DOK5: variants seen among roughly 807,000 people sequenced by gnomAD.
DOK5 encodes downstream of tyrosine kinase 5.
Under a neutral mutation model 43.3 loss-of-function variants are expected in DOK5, and 27 were observed. That is an observed-to-expected ratio of 0.62 (90% CI 0.46 to 0.86). The LOEUF (loss-of-function observed/expected upper bound fraction) is 0.86, where lower values mean the gene tolerates loss of function less well. Ranked by LOEUF, DOK5 falls within the 40% of genes least tolerant of loss-of-function variation. The pLI is 0.00. For missense variants in DOK5, 373 were observed against 392.9 expected, an observed-to-expected ratio of 0.95 and a Z score of 0.43; for synonymous variants, 146 against 140.1, an observed-to-expected ratio of 1.04 and a Z score of -0.30.
chr20:54,611,895 C>T (rs902064003), intron 6 of DOK5, among the ~76,000 whole-genome samples: 4 of 152,142 alleles, frequency 2.6e-5, no homozygotes, highest in South Asian at 2.1e-4. Flanking sequence ...GGCAGCAATC[C>T]GGGATTTTAG....
intron 1 of DOK5, among the ~76,000 whole-genome samples, chr20:54,538,308 G>A (rs1394297233): frequency 6.6e-6 from 1 of 151,876 alleles, no homozygotes; most frequent in African/African-American, 2.4e-5. Flanking sequence ...TTTGGCAGAA[G>A]GAAGTTTACT....
intron 2 of DOK5, among the ~76,000 whole-genome samples, chr20:54,575,505 A>G (rs1337664616): frequency 6.6e-6 from 1 of 152,186 alleles, no homozygotes; most frequent in Admixed American, 6.5e-5. Flanking sequence ...CAGTGGTGCC[A>G]TCTCAGCTCA....
intron 6 of DOK5, among the ~76,000 whole-genome samples, chr20:54,636,559 A>G (rs1435318919): frequency 1.5e-4 from 23 of 152,122 alleles, no homozygotes; most frequent in Non-Finnish European, 7.3e-5. Flanking sequence ...GGCTCAGCAT[A>G]TGAGGACCAT....
chr20:54,541,914 A>T (rs7267758), intron 1 of DOK5, among the ~76,000 whole-genome samples: 3,706 of 151,974 alleles, frequency 0.024, 148 homozygotes, highest in African/African-American at 0.085. Flanking sequence ...CCTCCCTCAC[A>T]TATCCACTCT....
intron 1 of DOK5, among the ~76,000 whole-genome samples, chr20:54,501,850 G>A (rs765884388): frequency 1.3e-5 from 2 of 152,118 alleles, no homozygotes; most frequent in Non-Finnish European, 2.9e-5. Flanking sequence ...TAGTTCATTT[G>A]TTCTGAAACT....
intron 1 of DOK5, among the ~76,000 whole-genome samples, chr20:54,511,828 T>C (rs2146688107): frequency 6.6e-6 from 1 of 152,296 alleles, no homozygotes. Context: ...CTCATATCCT[T>C]TCAGATTCTT....
intron 5 of DOK5, among the ~76,000 whole-genome samples, chr20:54,592,413 T>C (rs943862955): frequency 6.6e-6 from 1 of 152,166 alleles, no homozygotes; most frequent in Admixed American, 6.5e-5. Flanking sequence ...CCAGATAGTA[T>C]AGTAACCAAG....
chr20:54,643,702 C>T, intron 7 of DOK5, 124 bp downstream of exon 7: 1 of 1,289,354 alleles, frequency 7.8e-7, no homozygotes, highest in Non-Finnish European at 1.0e-6. Context: ...AAGGTAGGAC[C>T]CCCATCAAGG....
intron 1 of DOK5, among the ~76,000 whole-genome samples, chr20:54,548,170 A>T (rs998205533): frequency 2.0e-5 from 3 of 152,216 alleles, no homozygotes; most frequent in Non-Finnish European, 1.5e-5. Flanking sequence ...CTATTTCAAC[A>T]TGGAAGTTAT....
At position 54,554,876 on chromosome 20, in the gene DOK5, T is replaced by C. The variant is rs964436483; in HGVS notation, c.67-57T>C. The C allele has an allele frequency of 6.4e-6, 7 of 1,094,150 alleles. No individual in the cohort carries two copies. The East Asian group carries it at 1.7e-4, about 26-fold the overall frequency. 67.8% of individuals were successfully genotyped at this position (1,094,150 alleles called of 1,614,324 possible). A position where few individuals can be genotyped will look rare whatever the true frequency, so the allele number is the denominator to read the frequency against. On this transcript the variant is annotated intron_variant, in intron 1 of 7. Transcript: ENST00000262593. ...GTGAAAACATCAAAAAGAAAACATT[T>C]AAATGCAAATGTCAGTCAGGGGAGA...
chr20:54,634,437 C>CTTTTTTTTTT (rs11470013), intron 6 of DOK5, among the ~76,000 whole-genome samples: 6 of 90,404 alleles, frequency 6.6e-5, no homozygotes, highest in Non-Finnish European at 1.0e-4. Context: ...TCATATCATG[C>CTTTTTTTTTT]TTTTTTTTTT....
chr20:54,591,664 G>A lies in DOK5; in HGVS notation c.458G>A (p.Gly153Asp). The change falls in exon 5 of 8, where the codon GGC (glycine) becomes GAC (aspartate). Residue 153 changes from glycine to aspartate, a missense_variant. Gly to Asp is a moderately conservative substitution (Grantham distance 94). Transcript: ENST00000262593. ...CCATCTCCTAACTTAGATGTACATGGCGAATGTGCCTTGCAGATTACATAT... is the reference window on the plus strand; with the variant it reads ...CCATCTCCTAACTTAGATGTACATGACGAATGTGCCTTGCAGATTACATAT... ...LMPSPNLDVH[G>D]ECALQITYEY... The A allele has an allele frequency of 2.5e-6, 4 of 1,613,390 alleles. No homozygotes were observed. Among genetic ancestry groups the A allele is most frequent in the Non-Finnish European group, 3.4e-6 (4 of 1,179,778 alleles).
intron 1 of DOK5, among the ~76,000 whole-genome samples, chr20:54,511,869 T>G (rs1600671835): frequency 6.6e-6 from 1 of 152,232 alleles, no homozygotes; most frequent in Admixed American, 6.5e-5. Context: ...TACTTCTTTT[T>G]CCTAACTTTT....
chr20:54,628,641 T>G (rs1017211347), intron 6 of DOK5, among the ~76,000 whole-genome samples: 1 of 152,054 alleles, frequency 6.6e-6, no homozygotes. Context: ...CCAGAGGAAC[T>G]GGTTACTGCC....
At chr20:54,500,791 C>T (rs1982566376) in intron 1 of DOK5, among the ~76,000 whole-genome samples, 1 of 152,042 alleles carries the variant, frequency 6.6e-6, no homozygotes, top group African/African-American at 2.4e-5. Flanking sequence ...GAACTCCCAA[C>T]CTCAGGTGAT....
chr20:54,555,012 G>A lies in DOK5; in HGVS notation c.146G>A (p.Arg49His), dbSNP rs370288499. 3.3e-5 allele frequency: 54 copies of A among 1,613,320 alleles called. No homozygotes were observed. Among genetic ancestry groups the A allele is most frequent in the Non-Finnish European group, 4.4e-5 (52 of 1,179,452 alleles). Residue 49 changes from arginine (R) to histidine (H), a missense_variant, in exon 2 of 8, where the codon CGT becomes CAT. Physicochemically the swap from Arg to His is conservative, Grantham distance 29. Coordinates refer to ENST00000262593, the MANE Select transcript of DOK5 (RefSeq NM_018431.5). ...AGACTGGAGAAATTTTCTGATGAACGTGCTGCATATTTCAGGTGTTATCAT... is the reference window on the plus strand; with the variant it reads ...AGACTGGAGAAATTTTCTGATGAACATGCTGCATATTTCAGGTGTTATCAT... ...PKRLEKFSDE[R>H]AAYFRCYHKV...
chr20:54,488,510 C>T (rs1279036904), intron 1 of DOK5, among the ~76,000 whole-genome samples: 1 of 152,020 alleles, frequency 6.6e-6, no homozygotes, highest in Non-Finnish European at 1.5e-5. Flanking sequence ...ATTTATTTCT[C>T]TTCTCTTTCT....
intron 1 of DOK5, among the ~76,000 whole-genome samples, chr20:54,508,781 T>A (rs1489595390): frequency 6.6e-6 from 1 of 151,930 alleles, no homozygotes; most frequent in African/African-American, 2.4e-5. Context: ...GGTTTCTCCA[T>A]GTTGGCCAGG....
intron 2 of DOK5, among the ~76,000 whole-genome samples, chr20:54,565,831 A>T (rs1250735843): frequency 6.6e-6 from 1 of 152,088 alleles, no homozygotes; most frequent in African/African-American, 2.4e-5. Context: ...CCTGGCCAAC[A>T]GGGTGAAACC....
Sources: allele counts gnomAD v4.1 joint callset (sites outside exome capture counted in the v4.1 genomes callset), GRCh38; gene constraint gnomAD v4.1.1; transcripts MANE v1.5; gene names NCBI Gene and HGNC (gene_info 2026-07-23, HGNC 2026-07-21).